The following ARHGAP10 variants were observed in gnomAD, a reference collection of about 807,000 sequenced individuals.
ARHGAP10 encodes the protein rho GTPase-activating protein 10.
Under a neutral mutation model 108.6 loss-of-function variants are expected in ARHGAP10, and 87 were observed. That is an observed-to-expected ratio of 0.80 (90% CI 0.67 to 0.96). ARHGAP10 has a LOEUF of 0.96. Among genes scored for constraint, ARHGAP10 ranks in the 40% least tolerant of loss-of-function variants. ARHGAP10 has a pLI of 0.00. For missense variants in ARHGAP10, 939 were observed against 954.5 expected (o/e 0.98, Z 0.21); for synonymous variants, 347 against 341.1 (o/e 1.02, Z -0.19).
At chr4:147,977,575 A>C (rs1025606789) in intron 18 of ARHGAP10, among the ~76,000 whole-genome samples, 2 of 152,212 alleles carry the variant, frequency 1.3e-5, no homozygotes, top group African/African-American at 4.8e-5. Context: ...TTCCATAGAC[A>C]GTTTAGTATA....
At chr4:147,810,807 T>G (rs1006697648) in intron 1 of ARHGAP10, among the ~76,000 whole-genome samples, 2 of 152,218 alleles carry the variant, frequency 1.3e-5, no homozygotes, top group African/African-American at 4.8e-5. Context: ...GCAAGATCTA[T>G]CTGGGGAATC....
At position 148,010,106 on chromosome 4, in the gene ARHGAP10, CT is replaced by C. The variant is rs542731795; in HGVS notation, c.1717-13148del. ...TAGTTATGTTTTCCATTCCCCTCCA[CT>C]TTTTTTTTGTCATGAGGTTGGAGGG... On this transcript the variant is annotated intron_variant, in intron 18 of 22. Coordinates refer to ENST00000336498, the MANE Select transcript of ARHGAP10 (RefSeq NM_024605.4). Among the ~76,000 whole-genome samples, 409 of 151,360 alleles carry C rather than the reference CT, an allele frequency of 2.7e-3. 1 individual carries two copies. Among genetic ancestry groups the C allele is most frequent in the African/African-American group, 9.5e-3 (393 of 41,338 alleles).
intron 19 of ARHGAP10, among the ~76,000 whole-genome samples, chr4:148,043,754 G>GTA (rs1241274085): frequency 7.6e-6 from 1 of 131,852 alleles, no homozygotes; most frequent in African/African-American, 3.0e-5. Context: ...ATGTATATAT[G>GTA]TATATATATG....
At chr4:147,743,958 C>T (rs1172144893) in intron 1 of ARHGAP10, among the ~76,000 whole-genome samples, 4 of 152,092 alleles carry the variant, frequency 2.6e-5, no homozygotes. Context: ...CTAGAACAAC[C>T]TTATTTATGA....
At chr4:147,879,433 T>C (rs1735236372) in intron 9 of ARHGAP10, 95 bp downstream of exon 9, 3 of 1,027,862 alleles carry the variant, frequency 2.9e-6, no homozygotes, top group African/African-American at 3.2e-5. Flanking sequence ...TGGTTTATAT[T>C]CATGGATGGT....
At chr4:147,946,756 C>T in intron 15 of ARHGAP10, 52 bp downstream of exon 15, 1 of 1,351,232 alleles carries the variant, frequency 7.4e-7, no homozygotes, top group African/African-American at 1.5e-5. Context: ...GGATCTGTAA[C>T]ATAAAACAGA....
intron 18 of ARHGAP10, among the ~76,000 whole-genome samples, chr4:148,010,106 CTT>C (rs542731795): frequency 1.3e-5 from 2 of 151,264 alleles, no homozygotes; most frequent in South Asian, 4.2e-4. Flanking sequence ...TTCCCCTCCA[CTT>C]TTTTTTTGTC....
intron 20 of ARHGAP10, among the ~76,000 whole-genome samples, chr4:148,054,867 G>T (rs752419260): frequency 6.6e-6 from 1 of 152,324 alleles, no homozygotes; most frequent in African/African-American, 2.4e-5. Context: ...TTTTCTGAGC[G>T]GAGTATCTGT....
chr4:147,812,070 C>G (rs1194274048), intron 1 of ARHGAP10, among the ~76,000 whole-genome samples: 2 of 152,188 alleles, frequency 1.3e-5, no homozygotes, highest in African/African-American at 4.8e-5. Flanking sequence ...ACTGTTCTCT[C>G]GAGGCAACCT....
At chr4:147,957,028 G>A (rs955159710) in intron 16 of ARHGAP10, among the ~76,000 whole-genome samples, 1 of 152,128 alleles carries the variant, frequency 6.6e-6, no homozygotes. Flanking sequence ...TGGTGAAAAC[G>A]ATTGCAGAAA....
At chr4:147,766,558 GT>G (rs1444288170) in intron 1 of ARHGAP10, among the ~76,000 whole-genome samples, 4 of 149,258 alleles carry the variant, frequency 2.7e-5, no homozygotes, top group Non-Finnish European at 4.4e-5. Context: ...GTGTGTGGGT[GT>G]GTGTGGGTGT....
At chr4:147,917,480 T>G (rs1326268022) in intron 13 of ARHGAP10, 1 of 152,260 alleles carries the variant, frequency 6.6e-6, no homozygotes, top group Non-Finnish European at 1.5e-5. Context: ...AAGAGGCTTG[T>G]ATATAGAGGG....
intron 1 of ARHGAP10, among the ~76,000 whole-genome samples, chr4:147,756,151 AAAAG>A (rs1729365064): frequency 6.6e-6 from 1 of 151,948 alleles, no homozygotes; most frequent in Non-Finnish European, 1.5e-5. Flanking sequence ...AAAAAGAAAA[AAAAG>A]AAAGGGAGGA....
intron 18 of ARHGAP10, among the ~76,000 whole-genome samples, chr4:148,014,168 G>A (rs531693144): frequency 5.3e-5 from 8 of 152,204 alleles, no homozygotes; most frequent in South Asian, 2.1e-4. Context: ...TAGTCTAGGC[G>A]TTTATTACTG....
At chr4:147,901,957 T>C (rs1202190750) in intron 10 of ARHGAP10, among the ~76,000 whole-genome samples, 1 of 152,198 alleles carries the variant, frequency 6.6e-6, no homozygotes, top group African/African-American at 2.4e-5. Context: ...TTCCTTAGGC[T>C]CATGGCCGAC....
At chr4:147,825,513 A>G (rs918811324) in intron 3 of ARHGAP10, among the ~76,000 whole-genome samples, 2 of 152,098 alleles carry the variant, frequency 1.3e-5, no homozygotes, top group African/African-American at 4.8e-5. Context: ...TCATTCCTAA[A>G]TTTTGAGGTA....
intron 1 of ARHGAP10, among the ~76,000 whole-genome samples, chr4:147,766,356 T>C (rs1729811447): frequency 6.6e-6 from 1 of 152,076 alleles, no homozygotes; most frequent in Admixed American, 6.5e-5. Flanking sequence ...TTAAATCATC[T>C]CTACATTACT....
At chr4:147,772,989 A>G (rs573021480) in intron 1 of ARHGAP10, among the ~76,000 whole-genome samples, 1 of 152,304 alleles carries the variant, frequency 6.6e-6, no homozygotes, top group South Asian at 2.1e-4. Flanking sequence ...AGTAGGAAAG[A>G]TTTTGACGGA....
At chr4:147,856,684 A>G (rs1279409298) in intron 4 of ARHGAP10, among the ~76,000 whole-genome samples, 1 of 152,228 alleles carries the variant, frequency 6.6e-6, no homozygotes, top group African/African-American at 2.4e-5. Context: ...GTATACACAG[A>G]TATTCCAAAA....
Sources: gnomAD v4.1 joint callset for allele counts (sites outside exome capture counted in the v4.1 genomes callset) on GRCh38, gnomAD v4.1.1 for gene constraint, MANE v1.5 for transcripts, NCBI Gene and HGNC (gene_info 2026-07-23, HGNC 2026-07-21) for gene names.